Variants in WWC2 observed in about 807,000 individuals in gnomAD.
WWC2 encodes WW and C2 domain containing 2, also known as protein WWC2.
A neutral mutation model predicts 138.5 loss-of-function variants in WWC2; 101 were observed. The ratio of observed to expected loss-of-function variants is 0.73; its 90% CI spans 0.62 to 0.86. WWC2 has a LOEUF of 0.86. WWC2 is among the 40% of genes least tolerant of loss of function. The pLI is 0.00. For synonymous variants in WWC2, 558 were observed against 538.4 expected (o/e 1.04, Z -0.50); for missense variants, 1,420 against 1,419.4 (o/e 1.00, Z -0.01).
intron 8 of WWC2, among the ~76,000 whole-genome samples, chr4:183,250,667 T>C (rs1043330672): frequency 1.3e-5 from 2 of 152,178 alleles, no homozygotes; most frequent in African/African-American, 4.8e-5. Context: ...TTTCATAATA[T>C]AGAACTCCTT....
intron 9 of WWC2, among the ~76,000 whole-genome samples, chr4:183,256,893 C>G (rs555598158): frequency 0.082 from 7,973 of 97,650 alleles, 1,909 homozygotes; most frequent in African/African-American, 0.35. Flanking sequence ...AGCCCCCCCC[C>G]CCCCCCCCCC....
intron 1 of WWC2, among the ~76,000 whole-genome samples, chr4:183,107,587 T>C (rs957560645): frequency 6.6e-6 from 1 of 152,242 alleles, no homozygotes; most frequent in African/African-American, 2.4e-5. Flanking sequence ...TAGCCTTTTA[T>C]AGCTGTTGCT....
chr4:183,167,315 T>A (rs948631046), intron 1 of WWC2, among the ~76,000 whole-genome samples: 2 of 152,090 alleles, frequency 1.3e-5, no homozygotes, highest in South Asian at 2.1e-4. Context: ...ATGACTCAGG[T>A]TAGTGAGGGA....
intron 1 of WWC2, among the ~76,000 whole-genome samples, chr4:183,104,814 A>G (rs935334397): frequency 1.3e-5 from 2 of 152,238 alleles, no homozygotes; most frequent in African/African-American, 4.8e-5. Flanking sequence ...TGGAGGGTCT[A>G]AGAGTTCTCC....
At chr4:183,124,316 A>G (rs373688041) in intron 1 of WWC2, among the ~76,000 whole-genome samples, 16 of 151,456 alleles carry the variant, frequency 1.1e-4, no homozygotes, top group South Asian at 1.0e-3. Flanking sequence ...TGTAACTGCA[A>G]TCGTTTTCCT....
chr4:183,107,672 G>A (rs1365400286), intron 1 of WWC2, among the ~76,000 whole-genome samples: 7 of 152,012 alleles, frequency 4.6e-5, no homozygotes, highest in African/African-American at 9.7e-5. Context: ...AAGTTAGAGG[G>A]TTTTTTTAGT....
intron 10 of WWC2, 87 bp downstream of exon 10, chr4:183,259,815 A>G (rs1192104435): frequency 1.3e-5 from 12 of 934,114 alleles, no homozygotes; most frequent in East Asian, 5.3e-5. Context: ...TTTATTTCCA[A>G]CTACTTTAAA....
chr4:183,210,544 T>G (rs1446698591), intron 4 of WWC2, among the ~76,000 whole-genome samples: 2 of 152,230 alleles, frequency 1.3e-5, no homozygotes, highest in Non-Finnish European at 2.9e-5. Context: ...AACATCATGT[T>G]GTAAGCCTCA....
At chr4:183,123,429 G>GTGTGTT (rs1732666880) in intron 1 of WWC2, among the ~76,000 whole-genome samples, 1 of 149,086 alleles carries the variant, frequency 6.7e-6, no homozygotes, top group Non-Finnish European at 1.5e-5. Context: ...GTGTGTGTGT[G>GTGTGTT]TGTGTATTTC....
chr4:183,198,896 C>T (rs997189031), intron 2 of WWC2, among the ~76,000 whole-genome samples: 4 of 149,196 alleles, frequency 2.7e-5, no homozygotes, highest in Non-Finnish European at 4.4e-5. Context: ...ATTTACTGGA[C>T]ATTCAAGAGA....
At chr4:183,179,083 C>T (rs190944574) in intron 1 of WWC2, among the ~76,000 whole-genome samples, 7 of 152,218 alleles carry the variant, frequency 4.6e-5, no homozygotes, top group Non-Finnish European at 7.4e-5. Flanking sequence ...CTATTAAAAA[C>T]GAGGTAGCAA....
At position 183,228,401 on chromosome 4, in the gene WWC2, C is replaced by T. The variant is rs898414468; in HGVS notation, c.523-11782C>T. 1.3e-5 allele frequency among the ~76,000 whole-genome samples: 2 copies of T among 152,008 alleles called. 1 individual carries two copies. The highest frequency in any genetic ancestry group is 4.8e-5 in the African/African-American group (2 of 41,306). On this transcript the variant is annotated intron_variant, in intron 4 of 22. Transcript: ENST00000403733. ...AATTAGTATAGAATAGGTAAATACA[C>T]GTGGTTGACAAGCTTTATTTAATTA...
chr4:183,245,673 G>T, intron 6 of WWC2, 128 bp downstream of exon 6: 1 of 1,094,808 alleles, frequency 9.1e-7, no homozygotes, highest in Non-Finnish European at 1.2e-6. Flanking sequence ...TGTGCAGAAT[G>T]GGCCCTGTGG....
intron 2 of WWC2, among the ~76,000 whole-genome samples, chr4:183,196,096 C>A (rs976393823): frequency 1.3e-5 from 2 of 152,162 alleles, no homozygotes; most frequent in Non-Finnish European, 2.9e-5. Flanking sequence ...TAATGTGGTG[C>A]TCCCGCTTTG....
At chr4:183,295,551 G>C (rs978458982) in intron 21 of WWC2, among the ~76,000 whole-genome samples, 2 of 152,116 alleles carry the variant, frequency 1.3e-5, no homozygotes, top group Non-Finnish European at 2.9e-5. Context: ...GGTGACGCTG[G>C]GACCAAGTTT....
At chr4:183,247,499 T>A (rs1181552149) in intron 6 of WWC2, among the ~76,000 whole-genome samples, 1 of 141,876 alleles carries the variant, frequency 7.0e-6, no homozygotes, top group African/African-American at 2.7e-5. Context: ...TATATACTAT[T>A]TATACTATAT....
chr4:183,191,563 G>A (rs1560835081), intron 1 of WWC2, among the ~76,000 whole-genome samples: 2 of 152,160 alleles, frequency 1.3e-5, no homozygotes, highest in Admixed American at 6.5e-5. Context: ...TTTGAGCCCA[G>A]ATCTCTTTGA....
At chr4:183,234,432 A>G (rs1397756884) in intron 4 of WWC2, among the ~76,000 whole-genome samples, 2 of 152,214 alleles carry the variant, frequency 1.3e-5, no homozygotes, top group Non-Finnish European at 2.9e-5. Flanking sequence ...TGGGCCTTTC[A>G]TGTCTTCATT....
At chr4:183,290,744 A>G (rs574977824) in intron 21 of WWC2, among the ~76,000 whole-genome samples, 1 of 152,364 alleles carries the variant, frequency 6.6e-6, no homozygotes, top group South Asian at 2.1e-4. Context: ...ATTGTTTTCT[A>G]TCAGTCCCTT....
Sources: allele counts gnomAD v4.1 joint callset (sites outside exome capture counted in the v4.1 genomes callset), GRCh38; gene constraint gnomAD v4.1.1; transcripts MANE v1.5; gene names NCBI Gene and HGNC (gene_info 2026-07-23, HGNC 2026-07-21).